RFX2: variants seen among roughly 807,000 people sequenced by gnomAD.
RFX2 encodes regulatory factor X2, also known as DNA-binding protein RFX2.
Under a neutral mutation model 87.8 loss-of-function variants are expected in RFX2, and 20 were observed. The observed-to-expected ratio is 0.23, with a 90% CI of 0.16 to 0.33. The LOEUF (loss-of-function observed/expected upper bound fraction) is 0.33, where lower values mean the gene tolerates loss of function less well. RFX2 is among the 10% of genes least tolerant of loss of function. RFX2 has a pLI of 1.00. For missense variants in RFX2, 767 were observed against 1,012.3 expected (o/e 0.76, Z 3.29); for synonymous variants, 397 against 431.3 (o/e 0.92, Z 0.98).
Position 6,043,085 on chromosome 19 carries a change from AAC to A in RFX2, c.181-964_181-963del. Among the ~76,000 whole-genome samples the A allele has an allele frequency of 2.0e-5, 3 of 152,196 alleles. No individual in the cohort carries two copies. In the South Asian group the frequency reaches 6.2e-4, roughly 31 times the overall value. ...CCCAGAATCACAAGTTCCAGGGGTT[AAC>A]ATCTGTTGGGTGATGCCCCAGGGGT... On this transcript the variant is annotated intron_variant, in intron 3 of 17. Coordinates refer to ENST00000303657, the MANE Select transcript of RFX2 (RefSeq NM_000635.4).
At position 5,994,800 on chromosome 19, in the gene RFX2, C is replaced by T. The variant is rs755215869; in HGVS notation, c.*35G>A. 1 of 1,443,182 alleles carries T rather than the reference C, an allele frequency of 6.9e-7. No homozygotes were observed. The highest frequency in any genetic ancestry group is 9.6e-7 in the Non-Finnish European group (1 of 1,038,096). 89.4% of individuals were successfully genotyped at this position (1,443,182 alleles called of 1,614,324 possible). On this transcript the variant is annotated 3_prime_UTR_variant, in exon 18 of 18. Transcript: ENST00000303657. Reference sequence around the variant, plus strand: ...GGTTCCCAGAGTGACCAGGCGGCATCTTTTGGAACCTCGAGGAGGCGCCGG... The same window carrying T: ...GGTTCCCAGAGTGACCAGGCGGCATTTTTTGGAACCTCGAGGAGGCGCCGG...
chr19:6,064,464 C>A lies in RFX2; in HGVS notation c.-8-16960G>T, dbSNP rs1240770258. Among the ~76,000 whole-genome samples, 1 of 152,246 alleles carries A rather than the reference C, an allele frequency of 6.6e-6. No homozygotes were observed. The highest frequency in any genetic ancestry group is 1.5e-5 in the Non-Finnish European group (1 of 68,044). On this transcript the variant is annotated intron_variant, in intron 1 of 17. Transcript: ENST00000303657. The surrounding 1 kb of genome is among the most constrained non-coding windows in gnomAD (Gnocchi z 4.8). ...GAGGCCTCACCTCACTCACCCTCTC[C>A]TGTCCCAGCTTCAAAATCTTTCAGA...
At chr19:6,075,219 C>A (rs910891218) in intron 1 of RFX2, among the ~76,000 whole-genome samples, 1 of 151,834 alleles carries the variant, frequency 6.6e-6, no homozygotes, top group African/African-American at 2.4e-5. Context: ...ACAGCCCAAA[C>A]AGATTAAGAC....
rs200846648 is a variant in RFX2, at chr19:6,012,972, G to A, written c.899+14C>T. The A allele has an allele frequency of 4.3e-4, 643 of 1,507,282 alleles. 5 individuals are homozygous for A. The highest frequency in any genetic ancestry group is 8.5e-5 in the African/African-American group (6 of 70,800). 93.4% of individuals were successfully genotyped at this position (1,507,282 alleles called of 1,614,324 possible). A position where few individuals can be genotyped will look rare whatever the true frequency, so the allele number is the denominator to read the frequency against. ...GGGGAGAGCCAGCTCCTCCCAGCTC[G>A]GCCCGGCACCCACCTGGGCTTCTGG... On this transcript the variant is annotated intron_variant, in intron 8 of 17. Coordinates refer to ENST00000303657, the MANE Select transcript of RFX2 (RefSeq NM_000635.4). This position sits in a 1 kb window ranked among gnomAD's most constrained non-coding sequence, Gnocchi z 4.6.
chr19:6,005,881 T>C (rs887107767), intron 12 of RFX2, among the ~76,000 whole-genome samples: 1 of 152,154 alleles, frequency 6.6e-6, no homozygotes, highest in Non-Finnish European at 1.5e-5. Flanking sequence ...TGGCTGGTGG[T>C]CGTCTGCAAG....
At position 6,012,269 on chromosome 19, in the gene RFX2, G is replaced by A. The variant is rs186346567; in HGVS notation, c.899+717C>T. 1.2e-3 allele frequency: 186 copies of A among 152,356 alleles called. No homozygotes were observed. The highest frequency in any genetic ancestry group is 4.4e-3 in the African/African-American group (183 of 41,570). The allele number at this position is 152,356 out of a possible 1,614,324, so 9.4% of individuals were successfully genotyped here. On this transcript the variant is annotated intron_variant, in intron 8 of 17. Coordinates refer to ENST00000303657, the MANE Select transcript of RFX2 (RefSeq NM_000635.4). The surrounding 1 kb of genome is among the most constrained non-coding windows in gnomAD (Gnocchi z 4.6). ...TTGAGCACATCTGCTTCTTTCTCCT[G>A]GCTTCTTGGGTTATTTGCAGTGTCC...
At chr19:6,053,160 T>G (rs911775618) in intron 1 of RFX2, among the ~76,000 whole-genome samples, 1 of 152,134 alleles carries the variant, frequency 6.6e-6, no homozygotes, top group Non-Finnish European at 1.5e-5. Flanking sequence ...TGAAATTTTT[T>G]CAGAAGAAGA....
At chr19:6,034,766 G>C (rs1354394025) in intron 5 of RFX2, among the ~76,000 whole-genome samples, 1 of 152,148 alleles carries the variant, frequency 6.6e-6, no homozygotes, top group African/African-American at 2.4e-5. Flanking sequence ...AGGTGCCATG[G>C]GCCTCTGCGA....
chr19:6,037,053 G>C (rs905343866), intron 5 of RFX2, among the ~76,000 whole-genome samples: 1 of 152,134 alleles, frequency 6.6e-6, no homozygotes, highest in African/African-American at 2.4e-5. Flanking sequence ...GGGAGGCCGA[G>C]GCAGGCAGAT....
intron 1 of RFX2, chr19:6,109,301 C>G (rs1465999644): frequency 6.6e-6 from 1 of 152,006 alleles, no homozygotes. Context: ...GCACGAACCC[C>G]TATACTCAGG....
At chr19:6,077,498 T>C (rs1953036413) in intron 1 of RFX2, among the ~76,000 whole-genome samples, 1 of 152,160 alleles carries the variant, frequency 6.6e-6, no homozygotes, top group African/African-American at 2.4e-5. Context: ...TGTTCAAACC[T>C]ACACAGTCAG....
At chr19:6,038,502 A>T (rs187202707) in intron 5 of RFX2, among the ~76,000 whole-genome samples, 3,208 of 150,676 alleles carry the variant, frequency 0.021, 63 homozygotes, top group Non-Finnish European at 0.03. Context: ...CAAAATTAAA[A>T]TTTTTTTTTT....
rs141416441 is a variant in RFX2 at position 6,011,110 on chromosome 19, C to T, written c.900-859G>A. ...CAGCCTGGGCGACAAAAGCGAAACT[C>T]GGTCTCAAAAAAAATAAATAAATTA... On this transcript the variant is annotated intron_variant, in intron 8 of 17. Transcript: ENST00000303657. The surrounding 1 kb of genome is among the most constrained non-coding windows in gnomAD (Gnocchi z 4.8). 5.7e-3 allele frequency among the ~76,000 whole-genome samples: 857 copies of T among 150,032 alleles called. 5 individuals carry two copies. Among genetic ancestry groups the T allele is most frequent in the African/African-American group, 0.02 (817 of 40,174 alleles).
At chr19:6,072,104 C>T (rs2087614701) in intron 1 of RFX2, 1 of 152,056 alleles carries the variant, frequency 6.6e-6, no homozygotes, top group African/African-American at 2.4e-5. Context: ...CAAATCCGAG[C>T]AAAAGATAAT....
rs535367680 is a variant in RFX2, at chr19:6,044,415, C to T, written c.91-133G>A. ...CATAGGCAGGACTGATCAGAGGCGA[C>T]GGCGGGGTGATGGTCAGACTTGCAC... On this transcript the variant is annotated intron_variant, in intron 2 of 17. Coordinates refer to ENST00000303657, the MANE Select transcript of RFX2 (RefSeq NM_000635.4). The surrounding 1 kb of genome is among the most constrained non-coding windows in gnomAD (Gnocchi z 5.3). 20 of 521,716 alleles carry T rather than the reference C, an allele frequency of 3.8e-5. No individual in the cohort carries two copies. Among genetic ancestry groups the T allele is most frequent in the African/African-American group, 1.4e-4 (7 of 50,470 alleles). 32.3% of individuals were successfully genotyped at this position (521,716 alleles called of 1,614,324 possible). A position where few individuals can be genotyped will look rare whatever the true frequency, so the allele number is the denominator to read the frequency against.
rs977585404 is a variant in RFX2 at position 6,063,460 on chromosome 19, A to G, written c.-8-15956T>C. 6.6e-6 allele frequency among the ~76,000 whole-genome samples: 1 copy of G among 152,168 alleles called. No individual in the cohort carries two copies. The highest frequency in any genetic ancestry group is 1.5e-5 in the Non-Finnish European group (1 of 68,016). On this transcript the variant is annotated intron_variant, in intron 1 of 17. Coordinates refer to ENST00000303657, the MANE Select transcript of RFX2 (RefSeq NM_000635.4). This position sits in a 1 kb window ranked among gnomAD's most constrained non-coding sequence, Gnocchi z 4.0. Reference sequence around the variant, plus strand: ...TGCACACAACGCAGGGAGGGTGAGGATGGGGTCCATGCACCTGCCAGGGTG... The same window carrying G: ...TGCACACAACGCAGGGAGGGTGAGGGTGGGGTCCATGCACCTGCCAGGGTG...
rs750914387 is a variant in RFX2, at chr19:6,044,230, G to A, written c.143C>T (p.Pro48Leu). Residue 48 changes from proline (P) to leucine (L), a missense_variant, in exon 3 of 18, where the codon CCG (proline) becomes CTG (leucine). Physicochemically the swap from Pro to Leu is moderately conservative, Grantham distance 98. Around this residue, in one of 2 missense-constraint regions of RFX2, gnomAD observed 146 missense variants for 139.2 expected, o/e 1.05. Transcript: ENST00000303657. This position sits in a 1 kb window ranked among gnomAD's most constrained non-coding sequence, Gnocchi z 5.3. ...CTGCTGAACTCTGGGGAGGGAGATC[G>A]GCTGCATCTGGGCCCCTTTGGGATT... ...SSNPKGAQMQPISLPRVQQVP... is the reference protein window; with the variant it reads ...SSNPKGAQMQLISLPRVQQVP... 12 of 1,578,736 alleles carry A rather than the reference G, an allele frequency of 7.6e-6. No individual in the cohort carries two copies. The East Asian group carries it at 1.2e-4, about 15-fold the overall frequency.
chr19:6,074,861 C>A lies in RFX2; in HGVS notation c.-8-27357G>T, dbSNP rs1021484856. 6.6e-6 allele frequency among the ~76,000 whole-genome samples: 1 copy of A among 152,146 alleles called. No homozygotes were observed. Among genetic ancestry groups the A allele is most frequent in the African/African-American group, 2.4e-5 (1 of 41,436 alleles). On this transcript the variant is annotated intron_variant, in intron 1 of 17. Transcript: ENST00000303657. The surrounding 1 kb of genome is among the most constrained non-coding windows in gnomAD (Gnocchi z 5.2). Reference sequence around the variant, plus strand: ...CACACGGGTCACGTGAGGAGGCCACCAGAGGGAGCTGGGGGAATGCTGGGG... The same window carrying A: ...CACACGGGTCACGTGAGGAGGCCACAAGAGGGAGCTGGGGGAATGCTGGGG...
At chr19:6,028,288 C>T (rs1012185450) in intron 5 of RFX2, among the ~76,000 whole-genome samples, 1 of 151,676 alleles carries the variant, frequency 6.6e-6, no homozygotes, top group Non-Finnish European at 1.5e-5. Flanking sequence ...TTACAGAAGA[C>T]AACTCTACAC....
Sources: gnomAD v4.1 joint callset for allele counts (sites outside exome capture counted in the v4.1 genomes callset) on GRCh38, gnomAD v4.1.1 for gene constraint, gnomAD v4.1.1 regional missense constraint, Gnocchi (gnomAD v3.1) non-coding constraint, MANE v1.5 for transcripts, NCBI Gene and HGNC (gene_info 2026-07-23, HGNC 2026-07-21) for gene names.